The following ERBB4 variants were observed in gnomAD, a reference collection of about 807,000 sequenced individuals.
The protein encoded by ERBB4 is receptor tyrosine-protein kinase erbB-4.
ERBB4 carries 42 observed loss-of-function variants against 158.0 expected under a neutral mutation model. The ratio of observed to expected loss-of-function variants is 0.27; its 90% CI spans 0.21 to 0.34. ERBB4 has a LOEUF of 0.34. Among genes scored for constraint, ERBB4 ranks in the 10% least tolerant of loss-of-function variants. The pLI, the probability that ERBB4 is intolerant of heterozygous loss-of-function variation, is 1.00. For synonymous variants in ERBB4, 583 were observed against 558.7 expected (o/e 1.04, Z -0.61); for missense variants, 1,333 against 1,624.1 (o/e 0.82, Z 3.08).
chr2:212,148,092 T>C (rs868362548), intron 1 of ERBB4, among the ~76,000 whole-genome samples: 6 of 152,300 alleles, frequency 3.9e-5, no homozygotes, highest in Middle Eastern at 3.4e-3. Context: ...AAAGGTTCTA[T>C]TTTATTATTC....
chr2:212,048,078 G>A (rs867082765), intron 2 of ERBB4, among the ~76,000 whole-genome samples: 2 of 152,106 alleles, frequency 1.3e-5, no homozygotes, highest in African/African-American at 4.8e-5. Flanking sequence ...TGTGAAGTCA[G>A]GGAAGAAAAA....
chr2:211,599,173 A>G (rs923679856), intron 19 of ERBB4, among the ~76,000 whole-genome samples: 4 of 139,006 alleles, frequency 2.9e-5, no homozygotes, highest in African/African-American at 1.4e-4. Context: ...TATTAGCATA[A>G]TAACACTGAG....
At chr2:211,982,837 T>C (rs569753013) in intron 2 of ERBB4, among the ~76,000 whole-genome samples, 347 of 152,364 alleles carry the variant, frequency 2.3e-3, no homozygotes, top group Non-Finnish European at 3.9e-3. Context: ...AAAAGATGAT[T>C]ATAAATGTTA....
At chr2:212,463,593 C>T (rs1688681952) in intron 1 of ERBB4, among the ~76,000 whole-genome samples, 1 of 151,810 alleles carries the variant, frequency 6.6e-6, no homozygotes, top group Non-Finnish European at 1.5e-5. Context: ...CCTGAAAAGG[C>T]TTATTTGATA....
At position 211,491,286 on chromosome 2, in the gene ERBB4, T is replaced by C. The variant is rs546071555; in HGVS notation, c.2488-60186A>G. Among the ~76,000 whole-genome samples, 14 of 152,176 alleles carry C rather than the reference T, an allele frequency of 9.2e-5. 1 individual carries two copies. Among genetic ancestry groups the C allele is most frequent in the Admixed American group, 6.6e-5 (1 of 15,266 alleles). On this transcript the variant is annotated intron_variant, in intron 20 of 27. Transcript: ENST00000342788. ...CATTTTATGCAATCATTTTGTTTCA[T>C]GGATAAAGAAATAAGGTCTAGGGAG...
chr2:212,270,272 T>C (rs2085296102), intron 1 of ERBB4, among the ~76,000 whole-genome samples: 1 of 151,750 alleles, frequency 6.6e-6, no homozygotes, highest in Admixed American at 6.6e-5. Flanking sequence ...TATATGCTAA[T>C]AAAAAACTTA....
intron 1 of ERBB4, among the ~76,000 whole-genome samples, chr2:212,504,051 A>G (rs1308449403): frequency 3.3e-5 from 5 of 152,212 alleles, no homozygotes; most frequent in African/African-American, 1.2e-4. Context: ...AAATGGATGT[A>G]TATGGGCCAT....
intron 4 of ERBB4, among the ~76,000 whole-genome samples, chr2:211,773,643 TATATAATATATATAC>T (rs2075793177): frequency 1.2e-5 from 1 of 85,760 alleles, no homozygotes; most frequent in African/African-American, 4.7e-5. Flanking sequence ...TATATATATA[TATATAATATATATAC>T]ACACACACAC....
chr2:211,406,607 G>T (rs2063153125), intron 25 of ERBB4, among the ~76,000 whole-genome samples: 1 of 152,084 alleles, frequency 6.6e-6, no homozygotes, highest in African/African-American at 2.4e-5. Context: ...AGACTGAGAG[G>T]CAATGCATCA....
At chr2:211,933,749 G>A (rs1285680651) in intron 3 of ERBB4, among the ~76,000 whole-genome samples, 3 of 151,898 alleles carry the variant, frequency 2.0e-5, no homozygotes, top group Non-Finnish European at 2.9e-5. Context: ...ACTCAGTTTC[G>A]AAATGAGAGA....
At chr2:211,400,266 C>A (rs935000816) in intron 25 of ERBB4, among the ~76,000 whole-genome samples, 1 of 152,020 alleles carries the variant, frequency 6.6e-6, no homozygotes, top group Admixed American at 6.6e-5. Context: ...TGTTAAATAT[C>A]TTTGAATAGA....
intron 2 of ERBB4, among the ~76,000 whole-genome samples, chr2:212,025,986 T>C (rs945765970): frequency 2.0e-5 from 3 of 151,786 alleles, no homozygotes; most frequent in African/African-American, 7.2e-5. Flanking sequence ...TGAGAGTAAC[T>C]GTCCTGCTTC....
At chr2:211,387,871 A>G in intron 26 of ERBB4, 74 bp downstream of exon 26, 1 of 1,149,986 alleles carries the variant, frequency 8.7e-7, no homozygotes, top group East Asian at 2.3e-5. Context: ...GAAATTATGC[A>G]GAGACGAGAG....
At chr2:211,578,901 T>G (rs973142051) in intron 19 of ERBB4, among the ~76,000 whole-genome samples, 5 of 151,750 alleles carry the variant, frequency 3.3e-5, no homozygotes, top group Admixed American at 6.6e-5. Flanking sequence ...TGGGTAAAGA[T>G]TTCATGAAAT....
At chr2:211,895,928 C>T (rs1406709660) in intron 3 of ERBB4, among the ~76,000 whole-genome samples, 2 of 152,138 alleles carry the variant, frequency 1.3e-5, no homozygotes, top group African/African-American at 2.4e-5. Context: ...GTCTTCACTG[C>T]ACTGGCTTCG....
intron 20 of ERBB4, among the ~76,000 whole-genome samples, chr2:211,537,050 A>G (rs2066674577): frequency 7.3e-6 from 1 of 137,168 alleles, no homozygotes. Context: ...ATACTGCAAA[A>G]TATTCAAACA....
At chr2:212,093,055 C>A (rs2078826759) in intron 2 of ERBB4, among the ~76,000 whole-genome samples, 1 of 152,126 alleles carries the variant, frequency 6.6e-6, no homozygotes, top group Admixed American at 6.5e-5. Context: ...TGCTTAACTA[C>A]CAAATGTGGA....
rs780748070 is a variant in ERBB4 at position 212,538,429 on chromosome 2, G to C, written c.82+20C>G. On this transcript the variant is annotated intron_variant, in intron 1 of 27. Coordinates refer to ENST00000342788, the MANE Select transcript of ERBB4 (RefSeq NM_005235.3). ...CCGGCGGCTGCAGGTTCGGCGACCG[G>C]AGTGCCAGAAGGAACCCACCTGACT... 4 of 1,611,464 alleles carry C rather than the reference G, an allele frequency of 2.5e-6. No homozygotes were observed. The African/African-American group carries it at 5.3e-5, about 22-fold the overall frequency.
intron 4 of ERBB4, among the ~76,000 whole-genome samples, chr2:211,773,722 T>C (rs374666508): frequency 2.8e-5 from 4 of 144,710 alleles, no homozygotes; most frequent in Non-Finnish European, 6.0e-5. Context: ...AATATATATA[T>C]ACACACACAC....
Sources: allele counts gnomAD v4.1 joint callset (sites outside exome capture counted in the v4.1 genomes callset), GRCh38; gene constraint gnomAD v4.1.1; transcripts MANE v1.5; gene names NCBI Gene and HGNC (gene_info 2026-07-23, HGNC 2026-07-21).